SMAD9: variants seen among roughly 807,000 people sequenced by gnomAD.
The protein encoded by SMAD9 is MAD homolog 9.
SMAD9 carries 36 observed loss-of-function variants against 46.1 expected under a neutral mutation model. The ratio of observed to expected loss-of-function variants is 0.78; its 90% CI spans 0.60 to 1.03. The LOEUF is 1.03. Among genes scored for constraint, SMAD9 ranks in the 50% least tolerant of loss-of-function variants. SMAD9 has a pLI of 0.00. For synonymous variants in SMAD9, 245 were observed against 237.1 expected (o/e 1.03, Z -0.31); for missense variants, 572 against 599.8 (o/e 0.95, Z 0.48).
intron 5 of SMAD9, among the ~76,000 whole-genome samples, chr13:36,862,822 A>G (rs2058195352): frequency 6.6e-6 from 1 of 152,148 alleles, no homozygotes; most frequent in African/African-American, 2.4e-5. Flanking sequence ...TTTTCCAGGA[A>G]GGCCTTCCCT....
chr13:36,879,674 G>A lies in SMAD9; in HGVS notation c.16C>T (p.Pro6Ser). The A allele has an allele frequency of 1.9e-6, 3 of 1,614,182 alleles. No homozygotes were observed. The highest frequency in any genetic ancestry group is 1.7e-4 in the Middle Eastern group (1 of 6,032). Reference protein sequence around the residue: MHSTTPISSLFSFTSP... With the variant: MHSTTSISSLFSFTSP... The stretch of plus-strand genomic sequence containing the variant: ...GTGAAGGAGAAGAGGGAGCTGATGG[G>A]GGTGGTGGAGTGCATAAGAGGCCAC... The change falls in exon 2 of 7, where the codon CCC (proline) becomes TCC (serine). Residue 6 changes from proline (P) to serine (S), a missense_variant. Coordinates refer to ENST00000379826, the MANE Select transcript of SMAD9 (RefSeq NM_001127217.3).
Position 36,844,857 on chromosome 13 carries a change from A to T in SMAD9, c.*3819T>A, listed in dbSNP as rs1486239895. 1.3e-5 allele frequency: 2 copies of T among 152,182 alleles called. No individual in the cohort carries two copies. The highest frequency in any genetic ancestry group is 4.8e-5 in the African/African-American group (2 of 41,436). 9.4% of individuals were successfully genotyped at this position (152,182 alleles called of 1,614,324 possible). A position where few individuals can be genotyped will look rare whatever the true frequency, so the allele number is the denominator to read the frequency against. ...ATAAGTACAGTATTCTTTATTATAA[A>T]CAATCAGATAACAGTATAAGTGTGC... On this transcript the variant is annotated 3_prime_UTR_variant, in exon 7 of 7. Transcript: ENST00000379826.
chr13:36,881,868 A>C (rs1184784035), intron 1 of SMAD9, among the ~76,000 whole-genome samples: 1 of 152,206 alleles, frequency 6.6e-6, no homozygotes, highest in Non-Finnish European at 1.5e-5. Context: ...ACCCCAAAAG[A>C]GTTGTGAATT....
rs1037439657 is a variant in SMAD9 at position 36,873,446 on chromosome 13, G to T, written c.413-531C>A. The stretch of plus-strand genomic sequence containing the variant: ...TTTAGATGACCAGACTCAATTTCAG[G>T]TTCAGTAGTGCCACTGAAATAAAAA... On this transcript the variant is annotated intron_variant, in intron 2 of 6. Coordinates refer to ENST00000379826, the MANE Select transcript of SMAD9 (RefSeq NM_001127217.3). Among the ~76,000 whole-genome samples, 7 of 152,144 alleles carry T rather than the reference G, an allele frequency of 4.6e-5. No homozygotes were observed. In the South Asian group the frequency reaches 1.5e-3, roughly 32 times the overall value.
rs1321138637 is a variant in SMAD9 at position 36,847,984 on chromosome 13, A to G, written c.*692T>C. On this transcript the variant is annotated 3_prime_UTR_variant, in exon 7 of 7. Transcript: ENST00000379826. ...GGAAACAGCATTTCATGCTATTTTC[A>G]TATTTATTTTCCCATATTAGACTCT... 1 of 152,224 alleles carries G rather than the reference A, an allele frequency of 6.6e-6. No individual in the cohort carries two copies. Among genetic ancestry groups the G allele is most frequent in the Non-Finnish European group, 1.5e-5 (1 of 68,050 alleles). The allele number at this position is 152,224 out of a possible 1,614,324, so 9.4% of individuals were successfully genotyped here.
chr13:36,917,897 T>G (rs2058711047), intron 1 of SMAD9, among the ~76,000 whole-genome samples: 1 of 152,232 alleles, frequency 6.6e-6, no homozygotes. Flanking sequence ...TTGGAAAACA[T>G]ATTGAGTATT....
chr13:36,882,964 T>C (rs929611089), intron 1 of SMAD9, among the ~76,000 whole-genome samples: 16 of 152,224 alleles, frequency 1.1e-4, no homozygotes, highest in African/African-American at 3.6e-4. Context: ...CATTTCCTTG[T>C]CTAGGTTGTT....
At chr13:36,911,246 G>A (rs1418693342) in intron 1 of SMAD9, among the ~76,000 whole-genome samples, 2 of 152,052 alleles carry the variant, frequency 1.3e-5, no homozygotes, top group Admixed American at 6.6e-5. Flanking sequence ...CTGGGCTCAA[G>A]CAATCTGCCC....
At chr13:36,899,966 A>G (rs987154328) in intron 1 of SMAD9, among the ~76,000 whole-genome samples, 2 of 152,136 alleles carry the variant, frequency 1.3e-5, no homozygotes, top group Non-Finnish European at 2.9e-5. Flanking sequence ...CTCTAAGTAA[A>G]AGCCAGAAGC....
intron 3 of SMAD9, among the ~76,000 whole-genome samples, chr13:36,869,646 T>C (rs1593573903): frequency 1.3e-5 from 2 of 151,626 alleles, no homozygotes; most frequent in Admixed American, 6.6e-5. Flanking sequence ...CAGCCTAACA[T>C]GGTGAAACCC....
intron 1 of SMAD9, among the ~76,000 whole-genome samples, chr13:36,901,906 A>G (rs1384811775): frequency 2.0e-5 from 3 of 152,222 alleles, no homozygotes; most frequent in Middle Eastern, 6.8e-3. Context: ...GGATATATAG[A>G]CCCTGAGATA....
At chr13:36,892,264 T>G (rs1439968138) in intron 1 of SMAD9, among the ~76,000 whole-genome samples, 1 of 152,166 alleles carries the variant, frequency 6.6e-6, no homozygotes, top group Non-Finnish European at 1.5e-5. Flanking sequence ...GAGCAAAAAT[T>G]CTTCCTATGT....
intron 1 of SMAD9, among the ~76,000 whole-genome samples, chr13:36,907,234 G>A (rs1387721110): frequency 6.6e-6 from 1 of 152,214 alleles, no homozygotes; most frequent in Non-Finnish European, 1.5e-5. Context: ...CAGGTGCTAA[G>A]AGAAGGGGAA....
chr13:36,899,214 A>G (rs1327055157), intron 1 of SMAD9, among the ~76,000 whole-genome samples: 1 of 152,230 alleles, frequency 6.6e-6, no homozygotes, highest in Non-Finnish European at 1.5e-5. Flanking sequence ...TTAACCAAAA[A>G]AAGGTGGGGC....
Position 36,847,242 on chromosome 13 carries a change from T to C in SMAD9, c.*1434A>G, listed in dbSNP as rs925945790. Reference sequence around the variant, plus strand: ...AATGCTAGAAAGAGTTGAGATAAAATGTATAAATGAAGAAACTTCTTGGAT... The same window carrying C: ...AATGCTAGAAAGAGTTGAGATAAAACGTATAAATGAAGAAACTTCTTGGAT... On this transcript the variant is annotated 3_prime_UTR_variant, in exon 7 of 7. Coordinates refer to ENST00000379826, the MANE Select transcript of SMAD9 (RefSeq NM_001127217.3). 1.1e-4 allele frequency: 16 copies of C among 152,182 alleles called. No homozygotes were observed. Among genetic ancestry groups the C allele is most frequent in the African/African-American group, 2.7e-4 (11 of 41,440 alleles). 9.4% of individuals were successfully genotyped at this position (152,182 alleles called of 1,614,324 possible). A position where few individuals can be genotyped will look rare whatever the true frequency, so the allele number is the denominator to read the frequency against.
chr13:36,853,014 C>G (rs919909211), intron 6 of SMAD9, among the ~76,000 whole-genome samples: 1 of 152,182 alleles, frequency 6.6e-6, no homozygotes, highest in Non-Finnish European at 1.5e-5. Context: ...GGGCTGGGCG[C>G]GGTGGCTCAC....
intron 1 of SMAD9, among the ~76,000 whole-genome samples, chr13:36,906,426 T>G (rs1236680929): frequency 1.3e-5 from 2 of 152,088 alleles, no homozygotes; most frequent in East Asian, 3.9e-4. Flanking sequence ...CTAAAAACCA[T>G]ATTCTATGCA....
chr13:36,920,210 C>T lies in SMAD9; in HGVS notation c.-281G>A, dbSNP rs932399550. On this transcript the variant is annotated 5_prime_UTR_variant, in exon 1 of 7. Transcript: ENST00000379826. ...GCAGCGGCGGCGGCGGCGGCGGCGG[C>T]GGCGGCCCCAGCCGGCGTCAGTCAG... 1.8e-5 allele frequency: 3 copies of T among 165,204 alleles called. No homozygotes were observed. Among genetic ancestry groups the T allele is most frequent in the African/African-American group, 4.9e-5 (2 of 41,122 alleles). 10.2% of individuals were successfully genotyped at this position (165,204 alleles called of 1,614,324 possible).
intron 3 of SMAD9, among the ~76,000 whole-genome samples, chr13:36,868,319 C>A (rs1420435401): frequency 6.6e-6 from 1 of 152,230 alleles, no homozygotes; most frequent in Non-Finnish European, 1.5e-5. Flanking sequence ...GTGGACCATA[C>A]TAGGAAACCA....
Sources: allele counts gnomAD v4.1 joint callset (sites outside exome capture counted in the v4.1 genomes callset), GRCh38; gene constraint gnomAD v4.1.1; transcripts MANE v1.5; gene names NCBI Gene and HGNC (gene_info 2026-07-23, HGNC 2026-07-21).